RANBP3L: variants seen among roughly 807,000 people sequenced by gnomAD.
The protein encoded by RANBP3L is RAN binding protein 3 like.
A neutral mutation model predicts 67.2 loss-of-function variants in RANBP3L; 56 were observed. That is an observed-to-expected ratio of 0.83 (90% CI 0.67 to 1.04). The LOEUF is 1.04. Ranked by LOEUF, RANBP3L falls within the 50% of genes least tolerant of loss-of-function variation. The pLI is 0.00. For synonymous variants in RANBP3L, 164 were observed against 181.4 expected (o/e 0.90, Z 0.77); for missense variants, 496 against 535.5 (o/e 0.93, Z 0.73).
chr5:36,270,678 TG>T (rs537308569), intron 2 of RANBP3L, among the ~76,000 whole-genome samples: 37 of 152,288 alleles, frequency 2.4e-4, no homozygotes, highest in African/African-American at 7.2e-4. Flanking sequence ...TTTATTTTTT[TG>T]TAGAGATGGG....
chr5:36,292,791 T>C (rs1348588929), intron 1 of RANBP3L, among the ~76,000 whole-genome samples: 1 of 152,216 alleles, frequency 6.6e-6, no homozygotes, highest in Non-Finnish European at 1.5e-5. Flanking sequence ...CCATGCTGTT[T>C]TGGTTACTGT....
intron 1 of RANBP3L, among the ~76,000 whole-genome samples, chr5:36,272,069 T>A (rs760402175): frequency 1.3e-5 from 2 of 151,950 alleles, no homozygotes; most frequent in African/African-American, 2.4e-5. Context: ...ATAAGTTACA[T>A]CACTAATTGA....
chr5:36,263,016 TAAG>T (rs140004851), intron 6 of RANBP3L, among the ~76,000 whole-genome samples: 4,607 of 152,252 alleles, frequency 0.03, 154 homozygotes, highest in African/African-American at 0.081. Context: ...TACAAGATAA[TAAG>T]AAATATAAAG....
Position 36,255,525 on chromosome 5 carries a change from C to T in RANBP3L, c.969G>A (p.Thr323=), listed in dbSNP as rs200201901. Residue 323 remains threonine, a synonymous_variant, in exon 11 of 14, where the codon ACG becomes ACA. Coordinates refer to ENST00000296604, the MANE Select transcript of RANBP3L (RefSeq NM_145000.5). ...TGCTTGCTGTGTCATTCAGTCTCAA[C>T]GTTCCTCTGCCCCTTTCAATCCAGG... The part of the protein sequence containing the change: ...TQSWIERGRG[T]LRLNDTASTD... 2.0e-5 allele frequency: 33 copies of T among 1,611,728 alleles called. No homozygotes were observed. The highest frequency in any genetic ancestry group is 1.6e-4 in the South Asian group (15 of 90,998).
chr5:36,290,388 T>C (rs1751640643), intron 1 of RANBP3L, among the ~76,000 whole-genome samples: 1 of 151,844 alleles, frequency 6.6e-6, no homozygotes, highest in Non-Finnish European at 1.5e-5. Context: ...GGCTAATTTT[T>C]GTATTTTTAG....
chr5:36,262,904 A>G (rs922289082), intron 6 of RANBP3L, among the ~76,000 whole-genome samples: 3 of 152,314 alleles, frequency 2.0e-5, no homozygotes, highest in Non-Finnish European at 4.4e-5. Flanking sequence ...TTTCACTCCT[A>G]TGTTGGTTAA....
intron 5 of RANBP3L, 116 bp downstream of exon 5, chr5:36,265,333 T>C (rs1421017706): frequency 5.4e-6 from 4 of 736,052 alleles, no homozygotes; most frequent in African/African-American, 3.6e-5. Context: ...TATTTCTTCA[T>C]GTTTTGTCAC....
At position 36,267,518 on chromosome 5, in the gene RANBP3L, A is replaced by AAAGAAAG. The variant is rs1554016468; in HGVS notation, c.268+1871_268+1872insCTTTCTT. Among the ~76,000 whole-genome samples the AAAGAAAG allele has an allele frequency of 3.8e-3, 564 of 148,528 alleles. 3 individuals carry two copies. Among genetic ancestry groups the AAAGAAAG allele is most frequent in the African/African-American group, 0.013 (527 of 40,228 alleles). ...GCCAGACTCCGTCTCAAAAAAAAAA[A>AAAGAAAG]AAAGAAAGAAAGAAAGAAAAAACTC... On this transcript the variant is annotated intron_variant, in intron 4 of 13. Transcript: ENST00000296604.
rs1359032384 is a variant in RANBP3L, at chr5:36,260,791, C to G, written c.658G>C (p.Glu220Gln). ...TACCAAAATCTTACCAAAACTCTTT[C>G]TACCATGTTTTCTCCAAAAACAAAA... ...SNFVFGENMVERVLGTQKLTQ... is the reference protein window; with the variant it reads ...SNFVFGENMVQRVLGTQKLTQ... Residue 220 changes from glutamate to glutamine, a missense_variant, in exon 8 of 14, where the codon GAA becomes CAA. Physicochemically the swap from Glu to Gln is conservative, Grantham distance 29. Transcript: ENST00000296604. 1 of 1,518,622 alleles carries G rather than the reference C, an allele frequency of 6.6e-7. No homozygotes were observed. The highest frequency in any genetic ancestry group is 1.7e-5 in the Admixed American group (1 of 58,220). The allele number at this position is 1,518,622 out of a possible 1,614,324, so 94.1% of individuals were successfully genotyped here. A position where few individuals can be genotyped will look rare whatever the true frequency, so the allele number is the denominator to read the frequency against.
intron 1 of RANBP3L, among the ~76,000 whole-genome samples, chr5:36,288,212 A>G (rs1751459601): frequency 6.6e-6 from 1 of 152,116 alleles, no homozygotes; most frequent in Non-Finnish European, 1.5e-5. Context: ...ACCATGGCCT[A>G]GTTTTGCCTG....
At position 36,265,134 on chromosome 5, in the gene RANBP3L, T is replaced by G. The variant is rs1295834482; in HGVS notation, c.341-36A>C. Reference sequence around the variant, plus strand: ...TAGAATTAAAGGATAAATATATGTTTACTGAAATATTCCTTTACTCCCTAT... The same window carrying G: ...TAGAATTAAAGGATAAATATATGTTGACTGAAATATTCCTTTACTCCCTAT... On this transcript the variant is annotated intron_variant, in intron 5 of 13. Coordinates refer to ENST00000296604, the MANE Select transcript of RANBP3L (RefSeq NM_145000.5). 2.3e-6 allele frequency: 3 copies of G among 1,319,666 alleles called. No individual in the cohort carries two copies. In the Admixed American group the frequency reaches 6.6e-5, roughly 29 times the overall value. 81.7% of individuals were successfully genotyped at this position (1,319,666 alleles called of 1,614,324 possible).
At chr5:36,265,371 A>G in intron 5 of RANBP3L, 78 bp downstream of exon 5, 1 of 916,920 alleles carries the variant, frequency 1.1e-6, no homozygotes, top group Non-Finnish European at 1.7e-6. Flanking sequence ...CCCCCAACAC[A>G]CGCACACATA....
intron 1 of RANBP3L, among the ~76,000 whole-genome samples, chr5:36,297,753 A>G (rs1451457081): frequency 3.3e-5 from 5 of 152,200 alleles, no homozygotes; most frequent in Non-Finnish European, 7.3e-5. Context: ...AGCCTCCTGG[A>G]CTTGTGTTCT....
intron 1 of RANBP3L, among the ~76,000 whole-genome samples, chr5:36,286,956 A>G (rs73751626): frequency 0.012 from 1,854 of 152,108 alleles, 28 homozygotes; most frequent in African/African-American, 0.043. Flanking sequence ...TTTTTTTTCC[A>G]TAATTCCTAT....
Position 36,294,617 on chromosome 5 carries a change from G to A in RANBP3L, c.91+6709C>T, listed in dbSNP as rs141107145. Among the ~76,000 whole-genome samples the A allele has an allele frequency of 2.0e-3, 297 of 151,816 alleles. 2 individuals are homozygous for A. Among genetic ancestry groups the A allele is most frequent in the South Asian group, 0.017 (83 of 4,798 alleles). ...GTATGTTGTGCCTTTGTTCTCGTTGGTTTCAAAGAACATTTTTATTTCTGC... is the reference window on the plus strand; with the variant it reads ...GTATGTTGTGCCTTTGTTCTCGTTGATTTCAAAGAACATTTTTATTTCTGC... On this transcript the variant is annotated intron_variant, in intron 1 of 13. Transcript: ENST00000296604.
rs200098773 is a variant in RANBP3L, at chr5:36,255,625, G to T, written c.904-35C>A. The T allele has an allele frequency of 4.2e-4, 645 of 1,533,828 alleles. 6 individuals are homozygous for T. Among genetic ancestry groups the T allele is most frequent in the Non-Finnish European group, 3.2e-4 (360 of 1,119,452 alleles). ...AATTTTTTAAAATGTCAAATATATA[G>T]AAAATTTTTTCAAAGTAAATTATTT... On this transcript the variant is annotated intron_variant, in intron 10 of 13. Coordinates refer to ENST00000296604, the MANE Select transcript of RANBP3L (RefSeq NM_145000.5).
chr5:36,267,154 A>G (rs1749856119), intron 4 of RANBP3L, among the ~76,000 whole-genome samples: 1 of 152,182 alleles, frequency 6.6e-6, no homozygotes, highest in Admixed American at 6.5e-5. Context: ...GTTACTTGAT[A>G]TACTGTTGCT....
intron 1 of RANBP3L, among the ~76,000 whole-genome samples, chr5:36,281,163 T>C (rs113751539): frequency 0.019 from 2,845 of 152,302 alleles, 55 homozygotes; most frequent in African/African-American, 0.042. Flanking sequence ...CTGTGTGAGC[T>C]GGGGCATGTC....
At position 36,257,494 on chromosome 5, in the gene RANBP3L, G is replaced by C; in HGVS notation, c.732C>G (p.Phe244Leu). Reference protein sequence around the residue: ...ENDSYAKEKPFKSIPKFPVNF... With the variant: ...ENDSYAKEKPLKSIPKFPVNF... ...TGACAGGAAATTTCGGAATGGATTT[G>C]AATGGTTTTTCCTTGGCATATGAAT... is the stretch of plus-strand genomic sequence containing the variant. The change falls in exon 9 of 14, where the codon TTC becomes TTG. Residue 244 changes from phenylalanine to leucine, a missense_variant. Transcript: ENST00000296604. 5 of 1,598,146 alleles carry C rather than the reference G, an allele frequency of 3.1e-6. No homozygotes were observed. The highest frequency in any genetic ancestry group is 3.4e-6 in the Non-Finnish European group (4 of 1,169,574).
Sources: allele counts gnomAD v4.1 joint callset (sites outside exome capture counted in the v4.1 genomes callset), GRCh38; gene constraint gnomAD v4.1.1; transcripts MANE v1.5; gene names NCBI Gene and HGNC (gene_info 2026-07-23, HGNC 2026-07-21).